DIABLO: variants seen among roughly 807,000 people sequenced by gnomAD.
The protein encoded by DIABLO is diablo IAP-binding mitochondrial protein.
DIABLO carries 32 observed loss-of-function variants against 31.7 expected under a neutral mutation model. The ratio of observed to expected loss-of-function variants is 1.01; its 90% CI spans 0.76 to 1.35. DIABLO has a LOEUF of 1.35. DIABLO is among the 40% of genes most tolerant of loss of function. The pLI, the probability that DIABLO is intolerant of heterozygous loss-of-function variation, is 0.00. For synonymous variants in DIABLO, 132 were observed against 103.2 expected (o/e 1.28, Z -1.69); for missense variants, 316 against 286.4 (o/e 1.10, Z -0.75).
Position 122,218,310 on chromosome 12 carries a change from G to C in DIABLO, c.271C>G (p.Gln91Glu), listed in dbSNP as rs1312482444. The C allele has an allele frequency of 8.7e-6, 14 of 1,614,000 alleles. No homozygotes were observed. Among genetic ancestry groups the C allele is most frequent in the Non-Finnish European group, 1.2e-5 (14 of 1,179,994 alleles). ...VTDSTSTFLSQTTYALIEAIT... is the reference protein window; with the variant it reads ...VTDSTSTFLSETTYALIEAIT... The stretch of plus-strand genomic sequence containing the variant: ...GCTTCAATCAACGCATATGTGGTCT[G>C]AGAGAGAAAGGTAGAGGTGCTATCT... Residue 91 changes from glutamine to glutamate, a missense_variant, in exon 3 of 6, where the codon CAG (glutamine) becomes GAG (glutamate). Coordinates refer to ENST00000464942, the MANE Select transcript of DIABLO (RefSeq NM_001371333.1).
In DIABLO at chr12:122,216,860, T is replaced by TATA; in HGVS notation, c.322_324dup (p.Tyr108dup). 1 of 1,612,872 alleles carries TATA rather than the reference T, an allele frequency of 6.2e-7. No individual in the cohort carries two copies. The highest frequency in any genetic ancestry group is 1.7e-5 in the Admixed American group (1 of 60,012). ...TATTGTCGGTAAAGAGAAGTTAAGG[T>TATA]ATAAACAGCCTACAAATAGAGAATG... On this transcript the variant is annotated inframe_insertion, in exon 4 of 6. Transcript: ENST00000464942.
chr12:122,223,232 C>T (rs1566028650), intron 2 of DIABLO, among the ~76,000 whole-genome samples: 1 of 151,348 alleles, frequency 6.6e-6, no homozygotes. Context: ...GTCAGGGGTT[C>T]GTGACCAGCC....
intron 5 of DIABLO, among the ~76,000 whole-genome samples, chr12:122,215,170 TA>T (rs1279103872): frequency 2.0e-5 from 3 of 151,996 alleles, no homozygotes; most frequent in African/African-American, 7.3e-5. Context: ...TGCATGCTTG[TA>T]ATCGGGAGGC....
intron 5 of DIABLO, among the ~76,000 whole-genome samples, chr12:122,213,977 C>T (rs1954146010): frequency 6.6e-6 from 1 of 152,016 alleles, no homozygotes; most frequent in African/African-American, 2.4e-5. Flanking sequence ...CCCAACTACT[C>T]AGGAGGCAGA....
At chr12:122,225,205 TGA>T (rs1300767612) in intron 1 of DIABLO, 4 of 207,940 alleles carry the variant, frequency 1.9e-5, no homozygotes, top group Admixed American at 1.1e-4. Context: ...AGAGCGAGAC[TGA>T]GTCTCAAACA....
intron 2 of DIABLO, chr12:122,221,146 A>T (rs1336418261): frequency 6.6e-6 from 1 of 152,242 alleles, no homozygotes; most frequent in Non-Finnish European, 1.5e-5. Flanking sequence ...ATATCAAAAT[A>T]TACAATATTA....
At position 122,207,923 on chromosome 12, in the gene DIABLO, C is replaced by A. The variant is rs1409881950; in HGVS notation, c.*458G>T. ...TCAGAGAACACATCAGAAATACATA[C>A]AAAGAAATCGTACAAACTGGACAGG... On this transcript the variant is annotated 3_prime_UTR_variant, in exon 6 of 6. Transcript: ENST00000464942. The A allele has an allele frequency of 2.2e-6, 1 of 461,400 alleles. No homozygotes were observed. Among genetic ancestry groups the A allele is most frequent in the East Asian group, 6.8e-5 (1 of 14,604 alleles). The allele number at this position is 461,400 out of a possible 1,614,324, so 28.6% of individuals were successfully genotyped here.
intron 5 of DIABLO, among the ~76,000 whole-genome samples, chr12:122,215,610 A>ATT (rs992101405): frequency 3.3e-5 from 5 of 151,274 alleles, no homozygotes; most frequent in African/African-American, 1.2e-4. Context: ...ATTAAAAAAA[A>ATT]TTTTTTTTTC....
At chr12:122,225,703 C>T (rs1954447524) in intron 1 of DIABLO, 2 of 1,408,094 alleles carry the variant, frequency 1.4e-6, no homozygotes, top group African/African-American at 2.9e-5. Context: ...GGTCAGGAGG[C>T]GGAGCAGCCC....
chr12:122,209,814 G>T, intron 5 of DIABLO: 1 of 703,504 alleles, frequency 1.4e-6, no homozygotes, highest in Middle Eastern at 2.3e-4. Flanking sequence ...ACAGGTAGTG[G>T]AGAATGGCAG....
chr12:122,223,067 A>T (rs1420082725), intron 2 of DIABLO, among the ~76,000 whole-genome samples: 1 of 151,954 alleles, frequency 6.6e-6, no homozygotes, highest in Non-Finnish European at 1.5e-5. Flanking sequence ...TATAGCAACT[A>T]GTCTTCCTAG....
intron 5 of DIABLO, among the ~76,000 whole-genome samples, chr12:122,214,674 C>T (rs1443400515): frequency 1.3e-5 from 2 of 152,148 alleles, no homozygotes; most frequent in South Asian, 4.1e-4. Context: ...GCCTTGGCTT[C>T]CCAAAGACAC....
Position 122,208,420 on chromosome 12 carries a change from C to A in DIABLO, c.681G>T (p.Arg227=). The change falls in exon 6 of 6, where the codon CGG becomes CGT. Residue 227 remains arginine, a synonymous_variant. Transcript: ENST00000464942. ...GGTAGGCCTCCTGCTCCGACTCAGC[C>A]CGCTCCTCCCCTTCCTCCTGTGTTT... ...RQKTQEEGEE[R]AESEQEAYLR... 6.2e-7 allele frequency: 1 copy of A among 1,613,484 alleles called. No homozygotes were observed. Among genetic ancestry groups the A allele is most frequent in the Admixed American group, 1.7e-5 (1 of 60,024 alleles).
intron 5 of DIABLO, among the ~76,000 whole-genome samples, chr12:122,211,111 A>T: frequency 6.7e-6 from 1 of 148,764 alleles, no homozygotes; most frequent in South Asian, 2.1e-4. Flanking sequence ...AAAAAAAAAA[A>T]AATCACAGAC....
At chr12:122,217,222 AT>A in intron 3 of DIABLO, 1 of 303,222 alleles carries the variant, frequency 3.3e-6, no homozygotes, top group South Asian at 3.0e-5. Context: ...ACGCTAAAAA[AT>A]TTTTATTGGC....
intron 2 of DIABLO, chr12:122,221,199 A>G (rs1036789205): frequency 6.6e-6 from 1 of 152,226 alleles, no homozygotes; most frequent in African/African-American, 2.4e-5. Flanking sequence ...AGGAATAAGG[A>G]AAGGCTTTAA....
chr12:122,212,895 G>A (rs1460063625), intron 5 of DIABLO, among the ~76,000 whole-genome samples: 3 of 151,704 alleles, frequency 2.0e-5, no homozygotes, highest in African/African-American at 4.9e-5. Flanking sequence ...AAAGTGCTGG[G>A]ATTACAGGCG....
At chr12:122,222,744 G>A (rs1954362380) in intron 2 of DIABLO, among the ~76,000 whole-genome samples, 1 of 152,052 alleles carries the variant, frequency 6.6e-6, no homozygotes, top group African/African-American at 2.4e-5. Context: ...CTTACAAGAA[G>A]CACACAACCT....
chr12:122,211,342 T>C (rs968214768), intron 5 of DIABLO, among the ~76,000 whole-genome samples: 3 of 152,008 alleles, frequency 2.0e-5, no homozygotes, highest in Admixed American at 2.0e-4. Context: ...GAAGTAACGG[T>C]GAGCCAAGAT....
Sources: gnomAD v4.1 joint callset for allele counts (sites outside exome capture counted in the v4.1 genomes callset) on GRCh38, gnomAD v4.1.1 for gene constraint, MANE v1.5 for transcripts, NCBI Gene and HGNC (gene_info 2026-07-23, HGNC 2026-07-21) for gene names.